Variants in JMY observed in about 807,000 individuals in gnomAD.
The protein encoded by JMY is junction mediating and regulatory protein, p53 cofactor.
JMY carries 46 observed loss-of-function variants against 103.3 expected under a neutral mutation model. The ratio of observed to expected loss-of-function variants is 0.45; its 90% CI spans 0.35 to 0.57. JMY has a LOEUF of 0.57. Ranked by LOEUF, JMY falls within the 20% of genes least tolerant of loss-of-function variation. The pLI, the probability that JMY is intolerant of heterozygous loss-of-function variation, is 0.00. For missense variants in JMY, 1,238 were observed against 1,255.2 expected (o/e 0.99, Z 0.21); for synonymous variants, 526 against 489.3 (o/e 1.07, Z -0.99).
chr5:79,300,656 T>C lies in JMY; in HGVS notation c.1694-20T>C. 6.4e-7 allele frequency: 1 copy of C among 1,571,542 alleles called. No individual in the cohort carries two copies. Among genetic ancestry groups the C allele is most frequent in the Non-Finnish European group, 8.6e-7 (1 of 1,163,734 alleles). On this transcript the variant is annotated intron_variant, in intron 5 of 10. Coordinates refer to ENST00000396137, the MANE Select transcript of JMY (RefSeq NM_152405.5). ...AGCCCATATTCTTTACCACTACTCT[T>C]TTTTGCTGTTCTGTAACAGAAAAAA... is the stretch of plus-strand genomic sequence containing the variant.
In JMY at chr5:79,316,026, G is replaced by A; in HGVS notation, c.2686G>A (p.Ala896Thr). The change falls in exon 10 of 11, where the codon GCC becomes ACC. Residue 896 changes from alanine to threonine, a missense_variant. By Grantham distance (58) the Ala-to-Thr change is moderately conservative. Coordinates refer to ENST00000396137, the MANE Select transcript of JMY (RefSeq NM_152405.5). ...GAGCTCACCCATGGATGAGGTGCTA[G>A]CCTCCTTGAAGCGTGGTAGTTTTCA... ...RVSSPMDEVL[A>T]SLKRGSFHLK... The A allele has an allele frequency of 6.2e-7, 1 of 1,614,122 alleles. No individual in the cohort carries two copies. The highest frequency in any genetic ancestry group is 8.5e-7 in the Non-Finnish European group (1 of 1,179,994).
rs1312174431 is a variant in JMY, at chr5:79,324,367, C to A, written c.*2765C>A. Reference sequence around the variant, plus strand: ...TTTTTATGTGCTTCAAAATATTGGACACATTTCTGTTAATATATGATTTCT... The same window carrying A: ...TTTTTATGTGCTTCAAAATATTGGAAACATTTCTGTTAATATATGATTTCT... On this transcript the variant is annotated 3_prime_UTR_variant, in exon 11 of 11. Coordinates refer to ENST00000396137, the MANE Select transcript of JMY (RefSeq NM_152405.5). 6.6e-6 allele frequency: 1 copy of A among 152,204 alleles called. No homozygotes were observed. The highest frequency in any genetic ancestry group is 1.5e-5 in the Non-Finnish European group (1 of 68,038). 9.4% of individuals were successfully genotyped at this position (152,204 alleles called of 1,614,324 possible). A position where few individuals can be genotyped will look rare whatever the true frequency, so the allele number is the denominator to read the frequency against.
At chr5:79,281,896 C>A (rs1580352634) in intron 2 of JMY, among the ~76,000 whole-genome samples, 1 of 152,134 alleles carries the variant, frequency 6.6e-6, no homozygotes, top group Non-Finnish European at 1.5e-5. Flanking sequence ...AGAGCATAAA[C>A]TTTGTGATAC....
Position 79,306,378 on chromosome 5 carries a change from A to G in JMY, c.1885A>G (p.Ile629Val), listed in dbSNP as rs1417502657. Reference sequence around the variant, plus strand: ...AACACATTTTATGTATTTACAGGAAATATGTATTGCAAAACACAATGAAAA... The same window carrying G: ...AACACATTTTATGTATTTACAGGAAGTATGTATTGCAAAACACAATGAAAA... The part of the protein sequence containing the change: ...KKSYLRNKKE[I>V]CIAKHNEKIQ... The change falls in exon 7 of 11, where the codon ATA (isoleucine) becomes GTA (valine). Residue 629 changes from isoleucine to valine, a missense_variant. By Grantham distance (29) the Ile-to-Val change is conservative. Coordinates refer to ENST00000396137, the MANE Select transcript of JMY (RefSeq NM_152405.5). 1 of 1,607,214 alleles carries G rather than the reference A, an allele frequency of 6.2e-7. No homozygotes were observed.
In JMY at chr5:79,325,164, AGT is replaced by A. The variant is rs892033104; in HGVS notation, c.*3565_*3566del. 5 of 152,474 alleles carry A rather than the reference AGT, an allele frequency of 3.3e-5. No homozygotes were observed. The highest frequency in any genetic ancestry group is 1.2e-4 in the African/African-American group (5 of 41,468). The allele number at this position is 152,474 out of a possible 1,614,324, so 9.4% of individuals were successfully genotyped here. On this transcript the variant is annotated 3_prime_UTR_variant, in exon 11 of 11. Transcript: ENST00000396137. Reference sequence around the variant, plus strand: ...ACCATTTTTAAGTTACAGTCACATGAGTGTTTGTATAAATTTAAGTCAATGCT... The same window carrying A: ...ACCATTTTTAAGTTACAGTCACATGAGTTTGTATAAATTTAAGTCAATGCT...
In JMY at chr5:79,236,488, G is replaced by C. The variant is rs1018793313; in HGVS notation, c.-163G>C. On this transcript the variant is annotated 5_prime_UTR_variant, in exon 1 of 11. Coordinates refer to ENST00000396137, the MANE Select transcript of JMY (RefSeq NM_152405.5). ...CGCGCCACAAAGGAGCTCGGCGGTCGGGGCGCGGAGGGACAGGCGAACGAG... is the reference window on the plus strand; with the variant it reads ...CGCGCCACAAAGGAGCTCGGCGGTCCGGGCGCGGAGGGACAGGCGAACGAG... 21 of 468,942 alleles carry C rather than the reference G, an allele frequency of 4.5e-5. No individual in the cohort carries two copies. Among genetic ancestry groups the C allele is most frequent in the African/African-American group, 3.7e-4 (18 of 48,970 alleles). The allele number at this position is 468,942 out of a possible 1,614,324, so 29.0% of individuals were successfully genotyped here.
intron 2 of JMY, among the ~76,000 whole-genome samples, chr5:79,286,906 T>C (rs1390989894): frequency 2.0e-5 from 3 of 152,156 alleles, no homozygotes; most frequent in African/African-American, 7.2e-5. Flanking sequence ...AACTCTAAGG[T>C]ACTTCCAGAG....
intron 6 of JMY, 120 bp downstream of exon 6, chr5:79,300,983 T>C (rs1486810750): frequency 1.3e-6 from 1 of 763,778 alleles, no homozygotes. Flanking sequence ...CTCTTATCAG[T>C]GCTCAATGCG....
intron 1 of JMY, among the ~76,000 whole-genome samples, chr5:79,240,320 C>T (rs1236750304): frequency 1.3e-5 from 2 of 150,980 alleles, no homozygotes; most frequent in South Asian, 4.2e-4. Context: ...AGCCTCCCCC[C>T]GCCCCCTCCA....
chr5:79,300,711 G>A lies in JMY; in HGVS notation c.1729G>A (p.Glu577Lys), dbSNP rs1322998996. The A allele has an allele frequency of 1.2e-6, 2 of 1,608,080 alleles. No individual in the cohort carries two copies. The highest frequency in any genetic ancestry group is 1.7e-6 in the Non-Finnish European group (2 of 1,178,392). ...RDEVVYYDTY[E>K]SMEAMLEKEE... Reference sequence around the variant, plus strand: ...TGAAGTGGTATACTATGACACTTACGAAAGCATGGAGGCCATGCTGGAGAA... The same window carrying A: ...TGAAGTGGTATACTATGACACTTACAAAAGCATGGAGGCCATGCTGGAGAA... Residue 577 changes from glutamate (E) to lysine (K), a missense_variant, in exon 6 of 11, where the codon GAA becomes AAA. Physicochemically the swap from Glu to Lys is moderately conservative, Grantham distance 56 (BLOSUM62 1). Transcript: ENST00000396137.
chr5:79,236,854 C>G lies in JMY; in HGVS notation c.204C>G (p.Ala68=). The change falls in exon 1 of 11, where the codon GCC becomes GCG. Residue 68 remains alanine (A), a synonymous_variant. Transcript: ENST00000396137. Reference sequence around the variant, plus strand: ...AGCAAGCGGGGGCGCGAGGGGGCGCCGAGGCCGGCGGAGCTGCGTCCGACG... The same window carrying G: ...AGCAAGCGGGGGCGCGAGGGGGCGCGGAGGCCGGCGGAGCTGCGTCCGACG... The part of the protein sequence containing the change: ...SREQAGARGG[A]EAGGAASDGS... 1 of 1,447,728 alleles carries G rather than the reference C, an allele frequency of 6.9e-7. No individual in the cohort carries two copies. The highest frequency in any genetic ancestry group is 1.5e-5 in the South Asian group (1 of 68,806). The allele number at this position is 1,447,728 out of a possible 1,614,324, so 89.7% of individuals were successfully genotyped here.
At chr5:79,286,190 T>C (rs998975942) in intron 2 of JMY, among the ~76,000 whole-genome samples, 2 of 152,172 alleles carry the variant, frequency 1.3e-5, no homozygotes, top group Non-Finnish European at 2.9e-5. Context: ...ACTTCAAAAA[T>C]CAGTTAAAAG....
rs117665235 is a variant in JMY at position 79,257,401 on chromosome 5, A to G, written c.1032+19719A>G. On this transcript the variant is annotated intron_variant, in intron 1 of 10. Transcript: ENST00000396137. ...GCGGATTGCTTGAGTCCAAGAGTTC[A>G]AGAGCAGCGTGGTGAACATGGTGAA... Among the ~76,000 whole-genome samples, 11 of 152,230 alleles carry G rather than the reference A, an allele frequency of 7.2e-5. No homozygotes were observed. In the East Asian group the frequency reaches 1.2e-3, roughly 16 times the overall value.
At chr5:79,268,582 G>A (rs1745654061) in intron 1 of JMY, among the ~76,000 whole-genome samples, 1 of 152,020 alleles carries the variant, frequency 6.6e-6, no homozygotes, top group Non-Finnish European at 1.5e-5. Context: ...CCACCTCCCG[G>A]GTTCAAGCGA....
At chr5:79,257,936 T>C (rs1263560741) in intron 1 of JMY, among the ~76,000 whole-genome samples, 1 of 152,100 alleles carries the variant, frequency 6.6e-6, no homozygotes, top group Non-Finnish European at 1.5e-5. Context: ...CTAATTTTTG[T>C]GTTTTTAGTA....
At chr5:79,309,870 T>G (rs1012191585) in intron 7 of JMY, among the ~76,000 whole-genome samples, 1 of 152,170 alleles carries the variant, frequency 6.6e-6, no homozygotes, top group African/African-American at 2.4e-5. Context: ...CCATTTGTAC[T>G]TGCATTATCA....
In JMY at chr5:79,316,092, G is replaced by C. The variant is rs1375832860; in HGVS notation, c.2752G>C (p.Asp918His). 1.2e-6 allele frequency: 2 copies of C among 1,613,916 alleles called. No homozygotes were observed. The highest frequency in any genetic ancestry group is 1.7e-6 in the Non-Finnish European group (2 of 1,179,958). ...ACAGCGAACTCTGCCTCCTTTTCCT[G>C]ATGAAGATGATAGTAATAATATCTT... The part of the protein sequence containing the change: ...VEQRTLPPFP[D>H]EDDSNNILAQ... Residue 918 changes from aspartate (D) to histidine (H), a missense_variant, in exon 10 of 11, where the codon GAT becomes CAT. Physicochemically the swap from Asp to His is moderately conservative, Grantham distance 81. Coordinates refer to ENST00000396137, the MANE Select transcript of JMY (RefSeq NM_152405.5).
At chr5:79,251,462 T>G (rs1339805400) in intron 1 of JMY, among the ~76,000 whole-genome samples, 2 of 152,128 alleles carry the variant, frequency 1.3e-5, no homozygotes, top group African/African-American at 4.8e-5. Context: ...ATAAGATGTT[T>G]TGATACAGAT....
Position 79,312,434 on chromosome 5 carries a change from G to A in JMY, c.2000G>A (p.Arg667Lys). Residue 667 changes from arginine to lysine, a missense_variant, in exon 8 of 11, where the codon AGA becomes AAA. Transcript: ENST00000396137. Reference sequence around the variant, plus strand: ...GAAAAATTACATGATGAAGAAGAAAGAAAAAGTGCCTGGGTTAGCCAAGAG... The same window carrying A: ...GAAAAATTACATGATGAAGAAGAAAAAAAAAGTGCCTGGGTTAGCCAAGAG... ...KREKLHDEEE[R>K]KSAWVSQERQ... 6.3e-7 allele frequency: 1 copy of A among 1,582,514 alleles called. No homozygotes were observed. Among genetic ancestry groups the A allele is most frequent in the Non-Finnish European group, 8.6e-7 (1 of 1,167,674 alleles).
Sources: gnomAD v4.1 joint callset for allele counts (sites outside exome capture counted in the v4.1 genomes callset) on GRCh38, gnomAD v4.1.1 for gene constraint, MANE v1.5 for transcripts, NCBI Gene and HGNC (gene_info 2026-07-23, HGNC 2026-07-21) for gene names.